ZNF33B: variants seen among roughly 807,000 people sequenced by gnomAD.
ZNF33B encodes the protein zinc finger protein 11b (KOX 2).
A neutral mutation model predicts 45.8 loss-of-function variants in ZNF33B; 29 were observed. The ratio of observed to expected loss-of-function variants is 0.63; its 90% confidence interval spans 0.47 to 0.86. The LOEUF is 0.86. Ranked by LOEUF, ZNF33B falls within the 40% of genes least tolerant of loss-of-function variation. ZNF33B has a pLI of 0.00. For missense variants in ZNF33B, 831 were observed against 909.9 expected (o/e 0.91, Z 1.12); for synonymous variants, 305 against 307.8 (o/e 0.99, Z 0.10).
At chr10:42,606,596 T>C (rs1837864203) in intron 4 of ZNF33B, among the ~76,000 whole-genome samples, 1 of 152,032 alleles carries the variant, frequency 6.6e-6, no homozygotes, top group Non-Finnish European at 1.5e-5. Flanking sequence ...ACTCTACAAA[T>C]AGATACTTCC....
At chr10:42,619,118 C>T (rs1452328403) in intron 4 of ZNF33B, among the ~76,000 whole-genome samples, 2 of 142,764 alleles carry the variant, frequency 1.4e-5, no homozygotes, top group East Asian at 4.0e-4. Flanking sequence ...TGTCCCCACA[C>T]AGAAACACCA....
intron 4 of ZNF33B, among the ~76,000 whole-genome samples, chr10:42,620,153 T>C (rs1589057280): frequency 6.8e-6 from 1 of 147,998 alleles, no homozygotes; most frequent in East Asian, 2.0e-4. Flanking sequence ...GAGGAGGAGG[T>C]TGCAGTGAAC....
intron 4 of ZNF33B, among the ~76,000 whole-genome samples, chr10:42,625,720 G>C (rs1051444676): frequency 6.6e-6 from 1 of 152,186 alleles, no homozygotes; most frequent in Non-Finnish European, 1.5e-5. Flanking sequence ...TGATCCACTC[G>C]CCACGGCCTC....
At chr10:42,577,319 C>T (rs12218051) in intron 1 of ZNF33B, among the ~76,000 whole-genome samples, 19,428 of 151,926 alleles carry the variant, frequency 0.13, 1,575 homozygotes, top group African/African-American at 0.22. Context: ...CAGTCTTTGA[C>T]AGAGTGTGGA....
At chr10:42,638,353 C>A (rs1839440024) in intron 1 of ZNF33B, 121 bp downstream of exon 1, 2 of 314,596 alleles carry the variant, frequency 6.4e-6, no homozygotes, top group Non-Finnish European at 1.2e-5. Flanking sequence ...CCCCGCCGTC[C>A]CCGGCTTCTC....
chr10:42,634,923 A>G (rs1839218679), intron 2 of ZNF33B, among the ~76,000 whole-genome samples: 1 of 152,224 alleles, frequency 6.6e-6, no homozygotes, highest in African/African-American at 2.4e-5. Context: ...TAATCTAGGG[A>G]TTGGTAAACT....
chr10:42,585,696 A>C (rs1160677927), downstream of ZNF33B, among the ~76,000 whole-genome samples: 7 of 152,228 alleles, frequency 4.6e-5, no homozygotes, highest in Non-Finnish European at 8.8e-5. Flanking sequence ...TGAACAAAGC[A>C]GGATATTCAT....
chr10:42,601,138 T>G (rs1364613726), intron 4 of ZNF33B, among the ~76,000 whole-genome samples: 3 of 152,222 alleles, frequency 2.0e-5, no homozygotes, highest in Non-Finnish European at 2.9e-5. Flanking sequence ...GTTGCCTCAT[T>G]TAAGGAGAAA....
At chr10:42,583,010 G>C (rs1202493606) in intron 1 of ZNF33B, 1 of 737,964 alleles carries the variant, frequency 1.4e-6, no homozygotes, top group Non-Finnish European at 2.5e-6. Context: ...TTGGAAGAAG[G>C]GAAGGCCATT....
In ZNF33B at chr10:42,594,329, C is replaced by A; in HGVS notation, c.621G>T (p.Leu207Phe). 6.2e-7 allele frequency: 1 copy of A among 1,613,890 alleles called. No individual in the cohort carries two copies. Residue 207 changes from leucine (L) to phenylalanine (F), a missense_variant, in exon 5 of 5, where the codon TTG becomes TTT. By Grantham distance (22) the Leu-to-Phe change is conservative (BLOSUM62 0). Transcript: ENST00000359467. Reference protein sequence around the residue: ...RNTLSHRENTLQHEKIQTLDH... With the variant: ...RNTLSHRENTFQHEKIQTLDH... ...CTAAAGTTTGAATCTTCTCATGCTG[C>A]AAAGTGTTCTCACGATGACTCAGAG... is the stretch of plus-strand genomic sequence containing the variant.
chr10:42,585,524 T>C (rs1400936759), downstream of ZNF33B, among the ~76,000 whole-genome samples: 1 of 152,200 alleles, frequency 6.6e-6, no homozygotes, highest in Non-Finnish European at 1.5e-5. Flanking sequence ...CTGGAGGAGA[T>C]GGGAACTAGA....
intron 2 of ZNF33B, among the ~76,000 whole-genome samples, chr10:42,635,563 G>A (rs756525739): frequency 7.2e-5 from 11 of 152,122 alleles, no homozygotes; most frequent in Non-Finnish European, 1.3e-4. Context: ...TGTAATCCCA[G>A]CACTTTGGGA....
intron 4 of ZNF33B, among the ~76,000 whole-genome samples, chr10:42,626,163 T>C (rs1012355931): frequency 3.9e-5 from 6 of 152,226 alleles, no homozygotes; most frequent in African/African-American, 1.4e-4. Flanking sequence ...TAGCCTATGG[T>C]GGGTTAATTA....
chr10:42,586,278 C>T (rs1487472073), downstream of ZNF33B, among the ~76,000 whole-genome samples: 2 of 151,474 alleles, frequency 1.3e-5, no homozygotes, highest in African/African-American at 2.4e-5. Flanking sequence ...CTCAGCCTCC[C>T]GAGTAGCTCG....
At chr10:42,626,425 C>T (rs1185646541) in intron 4 of ZNF33B, among the ~76,000 whole-genome samples, 1 of 152,108 alleles carries the variant, frequency 6.6e-6, no homozygotes, top group Non-Finnish European at 1.5e-5. Flanking sequence ...CGCAGTGGCT[C>T]ATGCCTGTAA....
intron 2 of ZNF33B, 133 bp downstream of exon 2, chr10:42,636,787 C>T (rs1441633902): frequency 4.0e-6 from 5 of 1,255,734 alleles, no homozygotes; most frequent in African/African-American, 1.5e-5. Context: ...GAGATGGAGA[C>T]ACTGCGCTCC....
intron 4 of ZNF33B, among the ~76,000 whole-genome samples, chr10:42,607,350 TAGAG>T (rs1837905506): frequency 8.0e-6 from 1 of 124,408 alleles, no homozygotes; most frequent in Non-Finnish European, 1.7e-5. Context: ...TAAACAAACA[TAGAG>T]AGTGGAATGA....
intron 4 of ZNF33B, among the ~76,000 whole-genome samples, chr10:42,628,598 C>G (rs1017790218): frequency 6.6e-6 from 1 of 152,026 alleles, no homozygotes; most frequent in Admixed American, 6.5e-5. Context: ...TAATAGTTTT[C>G]TTTGCTCTTT....
At chr10:42,585,687 G>C (rs1416721713), downstream of ZNF33B, among the ~76,000 whole-genome samples, 1 of 152,166 alleles carries the variant, frequency 6.6e-6, no homozygotes, top group Admixed American at 6.5e-5. Context: ...TGAAATCACT[G>C]AACAAAGCAG....
Sources: allele counts gnomAD v4.1 joint callset (sites outside exome capture counted in the v4.1 genomes callset), GRCh38; gene constraint gnomAD v4.1.1; transcripts MANE v1.5; gene names NCBI Gene and HGNC (gene_info 2026-07-23, HGNC 2026-07-21).